Variants in MYO5B observed in about 807,000 individuals in gnomAD.
MYO5B encodes myosin VB.
MYO5B carries 143 observed loss-of-function variants against 229.3 expected under a neutral mutation model. The observed-to-expected ratio is 0.62, with a 90% CI of 0.54 to 0.72. MYO5B has a LOEUF of 0.72. Ranked by LOEUF, MYO5B falls within the 30% of genes least tolerant of loss-of-function variation. MYO5B has a pLI of 0.00. For missense variants in MYO5B, 2,321 were observed against 2,331.0 expected (o/e 1.00, Z 0.09); for synonymous variants, 918 against 885.2 (o/e 1.04, Z -0.66).
intron 2 of MYO5B, among the ~76,000 whole-genome samples, chr18:50,044,061 G>A (rs1458503416): frequency 2.0e-5 from 3 of 152,076 alleles, no homozygotes; most frequent in Non-Finnish European, 4.4e-5. Context: ...AAAAAAGCAC[G>A]TGGAGGCAAA....
At chr18:50,047,344 C>T (rs144850815) in intron 2 of MYO5B, among the ~76,000 whole-genome samples, 1,898 of 152,330 alleles carry the variant, frequency 0.012, 32 homozygotes, top group African/African-American at 0.043. Context: ...AAAAGATGCT[C>T]ACCATCACTG....
rs1186804938 is a variant in MYO5B, at chr18:49,823,603, T to A, written c.*2868A>T. The A allele has an allele frequency of 1.3e-5, 2 of 152,044 alleles. No homozygotes were observed. Among genetic ancestry groups the A allele is most frequent in the Non-Finnish European group, 2.9e-5 (2 of 67,996 alleles). The allele number at this position is 152,044 out of a possible 1,614,324, so 9.4% of individuals were successfully genotyped here. A position where few individuals can be genotyped will look rare whatever the true frequency, so the allele number is the denominator to read the frequency against. ...TTTTGTTTTGTTTTTACAAAAGCCTTAAAATTTAGTACTAGGGAAATCAAA... is the reference window on the plus strand; with the variant it reads ...TTTTGTTTTGTTTTTACAAAAGCCTAAAAATTTAGTACTAGGGAAATCAAA... On this transcript the variant is annotated 3_prime_UTR_variant, in exon 40 of 40. Coordinates refer to ENST00000285039, the MANE Select transcript of MYO5B (RefSeq NM_001080467.3).
At chr18:50,155,138 G>A (rs1021038262) in intron 1 of MYO5B, among the ~76,000 whole-genome samples, 66 of 152,260 alleles carry the variant, frequency 4.3e-4, no homozygotes, top group Non-Finnish European at 2.9e-4. Context: ...TTCCAGTACA[G>A]GGAGACCTTC....
At chr18:49,875,535 C>T (rs2024509348) in intron 26 of MYO5B, 152 bp downstream of exon 26, 2 of 1,052,954 alleles carry the variant, frequency 1.9e-6, no homozygotes, top group Non-Finnish European at 2.9e-6. Flanking sequence ...AGAGAAGACT[C>T]AGCATGACTC....
Position 49,963,015 on chromosome 18 carries a change from C to T in MYO5B, c.1338G>A (p.Glu446=). The T allele has an allele frequency of 6.2e-7, 1 of 1,613,746 alleles. No homozygotes were observed. Among genetic ancestry groups the T allele is most frequent in the Non-Finnish European group, 8.5e-7 (1 of 1,179,702 alleles). ...TACAGAACTGCTCAAAGCTGTTTAC[C>T]TCAAATGTCTCAAACCTACAGAATG... The part of the protein sequence containing the change: ...VLDIYGFETF[E]VNSFEQFCIN... Residue 446 remains glutamate, a synonymous_variant, in exon 11 of 40, where the codon GAG becomes GAA. Transcript: ENST00000285039.
chr18:49,960,999 C>T (rs765499117), intron 12 of MYO5B, among the ~76,000 whole-genome samples: 2 of 152,138 alleles, frequency 1.3e-5, no homozygotes, highest in East Asian at 1.9e-4. Flanking sequence ...CCTTTAGCTT[C>T]GGGGGTATGG....
chr18:50,119,006 C>T (rs116217031), intron 1 of MYO5B, among the ~76,000 whole-genome samples: 25 of 152,308 alleles, frequency 1.6e-4, no homozygotes, highest in African/African-American at 6.0e-4. Flanking sequence ...GGTCTTGTCT[C>T]TACCTATAAG....
At chr18:50,026,562 G>T (rs898999611) in intron 4 of MYO5B, among the ~76,000 whole-genome samples, 1 of 152,204 alleles carries the variant, frequency 6.6e-6, no homozygotes, top group African/African-American at 2.4e-5. Flanking sequence ...ACATAGAACT[G>T]GCTATCCTTA....
intron 2 of MYO5B, among the ~76,000 whole-genome samples, chr18:50,049,276 CA>C (rs1212913153): frequency 6.6e-6 from 1 of 151,950 alleles, no homozygotes; most frequent in Non-Finnish European, 1.5e-5. Flanking sequence ...CATAATTGCT[CA>C]ATAATAATTT....
Position 50,148,768 on chromosome 18 carries a change from T to G in MYO5B, c.27+45999A>C, listed in dbSNP as rs1204134981. Among the ~76,000 whole-genome samples, 91 of 151,930 alleles carry G rather than the reference T, an allele frequency of 6.0e-4. 1 individual carries two copies. The highest frequency in any genetic ancestry group is 5.8e-3 in the Admixed American group (89 of 15,252). On this transcript the variant is annotated intron_variant, in intron 1 of 39. Coordinates refer to ENST00000285039, the MANE Select transcript of MYO5B (RefSeq NM_001080467.3). ...AACTGGAAGCATTCCCTTTGAAAACTGGCACAAGACAGGGATGCCCTCTCT... is the reference window on the plus strand; with the variant it reads ...AACTGGAAGCATTCCCTTTGAAAACGGGCACAAGACAGGGATGCCCTCTCT...
intron 1 of MYO5B, among the ~76,000 whole-genome samples, chr18:50,080,526 G>T (rs767475071): frequency 2.0e-5 from 3 of 152,144 alleles, no homozygotes; most frequent in Non-Finnish European, 4.4e-5. Context: ...CCCAACAGCT[G>T]CCCCCAAGAG....
chr18:49,936,211 T>C, intron 16 of MYO5B, 41 bp downstream of exon 16: 1 of 1,520,836 alleles, frequency 6.6e-7, no homozygotes, highest in Admixed American at 1.9e-5. Flanking sequence ...CCTGAACCTC[T>C]AAGGCTGGGC....
At chr18:50,135,729 C>T (rs1344590836) in intron 1 of MYO5B, among the ~76,000 whole-genome samples, 1 of 152,132 alleles carries the variant, frequency 6.6e-6, no homozygotes, top group East Asian at 1.9e-4. Context: ...ATTGTAAAAG[C>T]AGGTTTTTAA....
chr18:49,942,607 T>A (rs1598900202), intron 14 of MYO5B, among the ~76,000 whole-genome samples: 1 of 151,856 alleles, frequency 6.6e-6, no homozygotes, highest in Admixed American at 6.6e-5. Context: ...AAAAGACACA[T>A]GAAAAAATGC....
intron 33 of MYO5B, among the ~76,000 whole-genome samples, chr18:49,846,403 G>A (rs918191453): frequency 2.0e-5 from 3 of 152,148 alleles, no homozygotes; most frequent in South Asian, 4.1e-4. Flanking sequence ...AACGAAATAC[G>A]AACTTTCATT....
At chr18:49,828,666 G>C (rs2023877386) in intron 39 of MYO5B, among the ~76,000 whole-genome samples, 1 of 152,050 alleles carries the variant, frequency 6.6e-6, no homozygotes, top group African/African-American at 2.4e-5. Flanking sequence ...ATTCAAACAA[G>C]TCTGAATAAA....
intron 17 of MYO5B, among the ~76,000 whole-genome samples, chr18:49,920,964 T>C (rs2025067922): frequency 6.6e-6 from 1 of 152,310 alleles, no homozygotes; most frequent in South Asian, 2.1e-4. Context: ...TGTGAGATCC[T>C]GAGATAATGA....
rs367931759 is a variant in MYO5B, at chr18:49,902,827, T to G, written c.2578A>C (p.Met860Leu). The G allele has an allele frequency of 1.9e-5, 31 of 1,599,990 alleles. No homozygotes were observed. The highest frequency in any genetic ancestry group is 2.3e-5 in the Non-Finnish European group (27 of 1,179,870). The change falls in exon 21 of 40, where the codon ATG (methionine) becomes CTG (leucine). Residue 860 changes from methionine (M) to leucine (L), a missense_variant. Physicochemically the swap from Met to Leu is conservative, Grantham distance 15 (BLOSUM62 2). This residue lies in a region of MYO5B where 2,113 missense variants were observed against 2,044.7 expected (regional missense o/e 1.03). Coordinates refer to ENST00000285039, the MANE Select transcript of MYO5B (RefSeq NM_001080467.3). Reference protein sequence around the residue: ...FVRRTYRQVLMEHKATTIQKH... With the variant: ...FVRRTYRQVLLEHKATTIQKH... ...TGGATGGTGGTGGCCTTGTGCTCCA[T>G]GAGGACCTGGCGGGAAACAAGGATA...
chr18:50,165,527 T>C (rs555453576), intron 1 of MYO5B, among the ~76,000 whole-genome samples: 24 of 152,230 alleles, frequency 1.6e-4, no homozygotes, highest in African/African-American at 5.3e-4. Flanking sequence ...TGTAATCCCA[T>C]GACTTTGGGA....
Sources: gnomAD v4.1 joint callset for allele counts (sites outside exome capture counted in the v4.1 genomes callset) on GRCh38, gnomAD v4.1.1 for gene constraint, gnomAD v4.1.1 regional missense constraint, MANE v1.5 for transcripts, NCBI Gene and HGNC (gene_info 2026-07-23, HGNC 2026-07-21) for gene names.